ADAP1: variants seen among roughly 807,000 people sequenced by gnomAD.
ADAP1 encodes the protein arf-GAP with dual PH domain-containing protein 1.
Under a neutral mutation model 54.9 loss-of-function variants are expected in ADAP1, and 31 were observed. The ratio of observed to expected loss-of-function variants is 0.56; its 90% CI spans 0.42 to 0.76. The LOEUF (loss-of-function observed/expected upper bound fraction) is 0.76. Ranked by LOEUF, ADAP1 falls within the 30% of genes least tolerant of loss-of-function variation. The pLI, the probability that ADAP1 is intolerant of heterozygous loss-of-function variation, is 0.00. For missense variants in ADAP1, 535 were observed against 512.4 expected (o/e 1.04, Z -0.42); for synonymous variants, 313 against 202.6 (o/e 1.55, Z -4.63).
At chr7:932,615 T>C (rs1846619654) in intron 2 of ADAP1, among the ~76,000 whole-genome samples, 1 of 152,094 alleles carries the variant, frequency 6.6e-6, no homozygotes, top group Non-Finnish European at 1.5e-5. Flanking sequence ...CTGCCCATTT[T>C]TTAGGGAAGG....
intron 5 of ADAP1, 103 bp downstream of exon 5, chr7:904,957 G>T: frequency 1.0e-6 from 1 of 1,001,692 alleles, no homozygotes; most frequent in South Asian, 1.4e-5. Flanking sequence ...GGGGGCAGCA[G>T]GGAGGGCAGC....
intron 6 of ADAP1, among the ~76,000 whole-genome samples, chr7:902,479 A>ATGCCTGGGCGTGGTGGTGCGCGCCT (rs1347509202): frequency 9.5e-5 from 3 of 31,724 alleles, no homozygotes; most frequent in East Asian, 1.4e-3. Context: ...AAAGAAAGAA[A>ATGCCTGGGCGTGGTGGTGCGCGCCT]AGAAAGAAAG....
At chr7:935,660 C>T (rs1377855129) in intron 1 of ADAP1, among the ~76,000 whole-genome samples, 155 bp from the exon 2 acceptor site, 1 of 128,286 alleles carries the variant, frequency 7.8e-6, no homozygotes, top group Non-Finnish European at 1.7e-5. Flanking sequence ...CCACAGGCAC[C>T]TAACCCCAGC....
At chr7:905,519 G>A (rs1465754776) in intron 4 of ADAP1, 1 of 38,914 alleles carries the variant, frequency 2.6e-5, no homozygotes, top group Non-Finnish European at 5.1e-5. Context: ...GGAGAAGGGA[G>A]AAGGGAGAAG....
intron 4 of ADAP1, among the ~76,000 whole-genome samples, 178 bp downstream of exon 4, chr7:919,790 G>A (rs1298872401): frequency 6.9e-5 from 1 of 14,558 alleles, no homozygotes; most frequent in East Asian, 4.7e-3. Flanking sequence ...GGAGATGGGG[G>A]AGGGAGGGAG....
At chr7:919,193 G>T (rs967991057) in intron 4 of ADAP1, among the ~76,000 whole-genome samples, 6 of 149,084 alleles carry the variant, frequency 4.0e-5, no homozygotes, top group South Asian at 2.1e-4. Context: ...GGCCGGGGCC[G>T]CACCCTCCCC....
chr7:935,184 G>A (rs1846712361), intron 2 of ADAP1, 191 bp downstream of exon 2: 2 of 799,108 alleles, frequency 2.5e-6, no homozygotes, highest in Admixed American at 2.0e-5. Flanking sequence ...CCGGCACGGG[G>A]TGGGTGGAGC....
intron 3 of ADAP1, among the ~76,000 whole-genome samples, chr7:921,891 C>A (rs973309312): frequency 1.3e-5 from 2 of 152,140 alleles, no homozygotes; most frequent in Non-Finnish European, 2.9e-5. Flanking sequence ...GCCCTCAGGG[C>A]GGGGCACCCA....
At chr7:918,165 G>A (rs1017751197) in intron 4 of ADAP1, among the ~76,000 whole-genome samples, 3 of 152,102 alleles carry the variant, frequency 2.0e-5, no homozygotes, top group East Asian at 1.9e-4. Flanking sequence ...TGACTGCAAC[G>A]GATCCACCTG....
chr7:912,245 G>A (rs563896340), intron 4 of ADAP1, among the ~76,000 whole-genome samples: 1 of 152,318 alleles, frequency 6.6e-6, no homozygotes, highest in South Asian at 2.1e-4. Context: ...GAAGCCCCGC[G>A]TCTCAGCGAG....
intron 4 of ADAP1, among the ~76,000 whole-genome samples, chr7:909,921 G>C (rs899162079): frequency 2.0e-5 from 3 of 152,174 alleles, no homozygotes; most frequent in Admixed American, 1.3e-4. Context: ...GCCAGGTCTT[G>C]TCCCACCTGT....
chr7:906,782 CACGGGGGACGGGACAGGGGACATG>C (rs1583137189), intron 4 of ADAP1, among the ~76,000 whole-genome samples: 1,298 of 8,086 alleles, frequency 0.16, 115 homozygotes, highest in East Asian at 0.49. Context: ...GGACAGGGGA[CACGGGGGACGGGACAGGGGACATG>C]GGGGGACATG....
intron 4 of ADAP1, among the ~76,000 whole-genome samples, chr7:917,711 G>A (rs116903422): frequency 6.6e-5 from 10 of 152,216 alleles, no homozygotes; most frequent in East Asian, 1.9e-4. Context: ...TGATCCATCC[G>A]CCCGCCTAGG....
At chr7:929,461 G>T (rs533105497) in intron 2 of ADAP1, among the ~76,000 whole-genome samples, 1 of 148,840 alleles carries the variant, frequency 6.7e-6, no homozygotes, top group East Asian at 2.0e-4. Flanking sequence ...TGGGAGGATC[G>T]CTTGAGCCTG....
rs1847117739 is a variant in ADAP1 at position 945,608 on chromosome 7, C to T, written c.82+8788G>A. 6.6e-6 allele frequency among the ~76,000 whole-genome samples: 1 copy of T among 152,182 alleles called. No individual in the cohort carries two copies. Among genetic ancestry groups the T allele is most frequent in the African/African-American group, 2.4e-5 (1 of 41,438 alleles). ...CTGATGTGGTGGTGGAGATGGAGGC[C>T]CTGAGTGCCAGGTAGGGAGGGGCAG... On this transcript the variant is annotated intron_variant, in intron 1 of 10. Coordinates refer to ENST00000265846, the MANE Select transcript of ADAP1 (RefSeq NM_006869.4). This position sits in a 1 kb window ranked among gnomAD's most constrained non-coding sequence, Gnocchi z 4.2.
Position 922,057 on chromosome 7 carries a change from C to G in ADAP1, c.306-2007G>C, listed in dbSNP as rs559782627. Among the ~76,000 whole-genome samples the G allele has an allele frequency of 8.9e-4, 136 of 152,298 alleles. 1 individual carries two copies. The highest frequency in any genetic ancestry group is 3.0e-3 in the African/African-American group (124 of 41,560). Reference sequence around the variant, plus strand: ...CAGGAAGTCGGGGGCTGGACCCCATCCTGCCCAGCGGAGCCCTCCGGAAGC... The same window carrying G: ...CAGGAAGTCGGGGGCTGGACCCCATGCTGCCCAGCGGAGCCCTCCGGAAGC... On this transcript the variant is annotated intron_variant, in intron 3 of 10. Transcript: ENST00000265846.
chr7:917,818 TG>T lies in ADAP1; in HGVS notation c.388+2149del, dbSNP rs201030089. ...CACACTCTCGCTCTGACGTCCAGGC[TG>T]GAGTGTAGTGGTGCAACCTTGGCTC... On this transcript the variant is annotated intron_variant, in intron 4 of 10. Transcript: ENST00000265846. 5.3e-5 allele frequency among the ~76,000 whole-genome samples: 8 copies of T among 152,298 alleles called. No homozygotes were observed. The East Asian group carries it at 1.5e-3, about 29-fold the overall frequency.
Position 920,659 on chromosome 7 carries a change from G to T in ADAP1, c.306-609C>A. On this transcript the variant is annotated intron_variant, in intron 3 of 10. Transcript: ENST00000265846. The surrounding 1 kb of genome is among the most constrained non-coding windows in gnomAD (Gnocchi z 4.5). ...CGGCAAATACCCAAGAATCCAGGAA[G>T]ACCCGGGATGAGGAGAAGCCCCCGA... The T allele has an allele frequency of 1.3e-6, 1 of 776,292 alleles. No homozygotes were observed. Among genetic ancestry groups the T allele is most frequent in the Non-Finnish European group, 2.0e-6 (1 of 498,416 alleles). The allele number at this position is 776,292 out of a possible 1,614,324, so 48.1% of individuals were successfully genotyped here.
At position 931,297 on chromosome 7, in the gene ADAP1, C is replaced by T. The variant is rs74944278; in HGVS notation, c.213+4078G>A. Among the ~76,000 whole-genome samples the T allele has an allele frequency of 6.4e-3, 976 of 152,208 alleles. 16 individuals carry two copies. Among genetic ancestry groups the T allele is most frequent in the African/African-American group, 0.022 (905 of 41,526 alleles). On this transcript the variant is annotated intron_variant, in intron 2 of 10. Transcript: ENST00000265846. Reference sequence around the variant, plus strand: ...ACTGCTGAATGTGTCACTAAATTGTCGAAATACATTAAATAAGGTAGAGAC... The same window carrying T: ...ACTGCTGAATGTGTCACTAAATTGTTGAAATACATTAAATAAGGTAGAGAC...
Sources: allele counts gnomAD v4.1 joint callset (sites outside exome capture counted in the v4.1 genomes callset), GRCh38; gene constraint gnomAD v4.1.1; non-coding constraint Gnocchi (gnomAD v3.1); transcripts MANE v1.5; gene names NCBI Gene and HGNC (gene_info 2026-07-23, HGNC 2026-07-21).